Variants in MRTFA observed in about 807,000 individuals in gnomAD.
MRTFA encodes myocardin-related transcription factor A.
A neutral mutation model predicts 83.5 loss-of-function variants in MRTFA; 20 were observed. The ratio of observed to expected loss-of-function variants is 0.24; its 90% confidence interval spans 0.17 to 0.35. The LOEUF is 0.35. MRTFA is among the 10% of genes least tolerant of loss of function. The pLI, the probability that MRTFA is intolerant of heterozygous loss-of-function variation, is 1.00. For synonymous variants in MRTFA, 659 were observed against 541.2 expected (o/e 1.22, Z -3.02); for missense variants, 1,200 against 1,224.7 (o/e 0.98, Z 0.30).
intron 3 of MRTFA, among the ~76,000 whole-genome samples, chr22:40,502,062 G>A (rs1602346880): frequency 7.3e-6 from 1 of 137,596 alleles, no homozygotes; most frequent in African/African-American, 2.8e-5. Flanking sequence ...CGGACGGGGT[G>A]GCTGGCCGGG....
At chr22:40,569,216 C>T (rs2147341448) in intron 2 of MRTFA, 1 of 155,144 alleles carries the variant, frequency 6.4e-6, no homozygotes, top group African/African-American at 2.4e-5. Context: ...CATGCCACTA[C>T]TCTCCAGCCT....
chr22:40,452,071 C>T (rs2147130480), intron 4 of MRTFA, among the ~76,000 whole-genome samples: 1 of 148,156 alleles, frequency 6.7e-6, no homozygotes, highest in East Asian at 2.0e-4. Flanking sequence ...GCCACCTCTG[C>T]CTCCCAGGTT....
chr22:40,625,851 C>T (rs981704294), intron 1 of MRTFA, among the ~76,000 whole-genome samples: 3 of 152,142 alleles, frequency 2.0e-5, no homozygotes, highest in African/African-American at 4.8e-5. Flanking sequence ...ACCTCTTTCC[C>T]TTCAATGCCA....
At chr22:40,509,050 T>TA (rs1242029317) in intron 3 of MRTFA, among the ~76,000 whole-genome samples, 2 of 152,162 alleles carry the variant, frequency 1.3e-5, no homozygotes, top group Non-Finnish European at 2.9e-5. Context: ...TAGTACTGAG[T>TA]AATTATTTCC....
chr22:40,500,789 A>T lies in MRTFA; in HGVS notation c.242-37503T>A, dbSNP rs1376949131. On this transcript the variant is annotated intron_variant, in intron 3 of 14. Transcript: ENST00000355630. ...ACAAAATGAAAAGTCTCCCATGTCT[A>T]CTTCTTTCTACACAGACACGGCAAC... Among the ~76,000 whole-genome samples the T allele has an allele frequency of 4.0e-5, 6 of 151,294 alleles. No homozygotes were observed. The South Asian group carries it at 1.0e-3, about 26-fold the overall frequency.
At chr22:40,421,843 G>C (rs2052847615) in intron 9 of MRTFA, among the ~76,000 whole-genome samples, 1 of 152,248 alleles carries the variant, frequency 6.6e-6, no homozygotes, top group Non-Finnish European at 1.5e-5. Context: ...GAGAATGGCA[G>C]ACAAAAGCGT....
intron 2 of MRTFA, among the ~76,000 whole-genome samples, chr22:40,581,232 G>A (rs1040526960): frequency 6.6e-6 from 1 of 152,002 alleles, no homozygotes; most frequent in Admixed American, 6.6e-5. Flanking sequence ...GCCACTGCTC[G>A]CTTATCCATT....
chr22:40,523,722 A>G (rs2054910876), intron 3 of MRTFA: 1 of 152,182 alleles, frequency 6.6e-6, no homozygotes, highest in Non-Finnish European at 1.5e-5. Context: ...CTTCCAGGTG[A>G]TACAAAGGCT....
At chr22:40,520,475 C>A (rs986160574) in intron 3 of MRTFA, among the ~76,000 whole-genome samples, 1 of 151,970 alleles carries the variant, frequency 6.6e-6, no homozygotes, top group Admixed American at 6.6e-5. Context: ...GGCTTGATCC[C>A]CGTTCACTGC....
At chr22:40,566,595 C>A (rs1432545574) in intron 2 of MRTFA, among the ~76,000 whole-genome samples, 1 of 152,034 alleles carries the variant, frequency 6.6e-6, no homozygotes, top group Admixed American at 6.5e-5. Context: ...CTTTGGGAGG[C>A]CCAAGGCTGA....
At chr22:40,625,305 CA>C (rs1454878246) in intron 1 of MRTFA, among the ~76,000 whole-genome samples, 1 of 151,402 alleles carries the variant, frequency 6.6e-6, no homozygotes, top group African/African-American at 2.4e-5. Context: ...CAGAGTGAGA[CA>C]CCTGTCCCTA....
At chr22:40,502,996 A>G (rs968098864) in intron 3 of MRTFA, among the ~76,000 whole-genome samples, 2 of 151,976 alleles carry the variant, frequency 1.3e-5, no homozygotes, top group African/African-American at 2.4e-5. Flanking sequence ...CCCTTCCCCA[A>G]TACACCCACA....
intron 9 of MRTFA, among the ~76,000 whole-genome samples, chr22:40,422,856 A>G (rs1006694367): frequency 3.9e-5 from 6 of 152,168 alleles, no homozygotes; most frequent in African/African-American, 1.4e-4. Context: ...GGTCTGTGTG[A>G]GGAGAGAGCC....
chr22:40,498,201 C>T (rs991709925), intron 3 of MRTFA, among the ~76,000 whole-genome samples: 2 of 145,480 alleles, frequency 1.4e-5, no homozygotes, highest in Non-Finnish European at 3.0e-5. Flanking sequence ...AAAAATTTAC[C>T]AAACAAAATG....
intron 1 of MRTFA, among the ~76,000 whole-genome samples, chr22:40,605,462 TCAGCAAAGATA>T (rs1262346287): frequency 6.6e-6 from 1 of 152,224 alleles, no homozygotes; most frequent in East Asian, 1.9e-4. Context: ...GGTGGTGAGA[TCAGCAAAGATA>T]CAGTATGTGT....
At chr22:40,439,112 A>C (rs965780388) in intron 4 of MRTFA, among the ~76,000 whole-genome samples, 2 of 152,204 alleles carry the variant, frequency 1.3e-5, no homozygotes, top group Non-Finnish European at 2.9e-5. Context: ...TAATTTTTTT[A>C]AGTGTCCTGA....
chr22:40,505,304 C>T (rs2054562787), intron 3 of MRTFA, among the ~76,000 whole-genome samples: 1 of 152,198 alleles, frequency 6.6e-6, no homozygotes, highest in Admixed American at 6.5e-5. Flanking sequence ...TCTTATCCAT[C>T]CTCTCTCATA....
intron 3 of MRTFA, among the ~76,000 whole-genome samples, chr22:40,527,970 C>T (rs1012204052): frequency 1.3e-5 from 2 of 151,990 alleles, no homozygotes; most frequent in Non-Finnish European, 2.9e-5. Context: ...TTCTTTGATC[C>T]GCGTCCTAAC....
chr22:40,420,332 A>T, intron 11 of MRTFA, 73 bp downstream of exon 11: 1 of 1,539,308 alleles, frequency 6.5e-7, no homozygotes. Context: ...CCCTGCCTAA[A>T]AACCAGCACC....
Sources: allele counts gnomAD v4.1 joint callset (sites outside exome capture counted in the v4.1 genomes callset), GRCh38; gene constraint gnomAD v4.1.1; transcripts MANE v1.5; gene names NCBI Gene and HGNC (gene_info 2026-07-23, HGNC 2026-07-21).